KLHL11: variants seen among roughly 807,000 people sequenced by gnomAD.
The protein encoded by KLHL11 is kelch like family member 11, also known as kelch-like protein 11.
A neutral mutation model predicts 56.1 loss-of-function variants in KLHL11; 26 were observed. The ratio of observed to expected loss-of-function variants is 0.46; its 90% confidence interval spans 0.34 to 0.64. The LOEUF (loss-of-function observed/expected upper bound fraction) is 0.64, where lower values mean the gene tolerates loss of function less well. KLHL11 is among the 30% of genes least tolerant of loss of function. The probability of loss-of-function intolerance (pLI) is 0.01; values close to 1 mark genes in which losing one functional copy is unlikely to be tolerated. For synonymous variants in KLHL11, 338 were observed against 345.8 expected (o/e 0.98, Z 0.25); for missense variants, 627 against 919.4 (o/e 0.68, Z 4.11).
chr17:41,864,243 T>G (rs1235175962), intron 1 of KLHL11, among the ~76,000 whole-genome samples: 1 of 152,226 alleles, frequency 6.6e-6, no homozygotes, highest in African/African-American at 2.4e-5. Flanking sequence ...ATTAAAATAT[T>G]TAAATGAGCT....
chr17:41,851,240 AAAC>A lies in KLHL11; in HGVS notation c.*2497_*2499del, dbSNP rs1435359605. 1 of 152,128 alleles carries A rather than the reference AAAC, an allele frequency of 6.6e-6. No homozygotes were observed. The highest frequency in any genetic ancestry group is 6.6e-5 in the Admixed American group (1 of 15,266). 9.4% of individuals were successfully genotyped at this position (152,128 alleles called of 1,614,324 possible). A position where few individuals can be genotyped will look rare whatever the true frequency, so the allele number is the denominator to read the frequency against. On this transcript the variant is annotated 3_prime_UTR_variant, in exon 2 of 2. Coordinates refer to ENST00000319121, the MANE Select transcript of KLHL11 (RefSeq NM_018143.3). ...TGAGACCTCACATCTTAAAAAACCAAAACAACAACAAAAACAAGAAAACCACAT... is the reference window on the plus strand; with the variant it reads ...TGAGACCTCACATCTTAAAAAACCAAAACAACAAAAACAAGAAAACCACAT...
At chr17:41,859,423 G>C (rs1597949731) in intron 1 of KLHL11, among the ~76,000 whole-genome samples, 1 of 152,140 alleles carries the variant, frequency 6.6e-6, no homozygotes, top group East Asian at 1.9e-4. Flanking sequence ...AAATTAGCTG[G>C]GCGTGGTGGC....
chr17:41,865,356 T>C lies in KLHL11; in HGVS notation c.15A>G (p.Ala5=). The C allele has an allele frequency of 1.4e-6, 2 of 1,440,950 alleles. No individual in the cohort carries two copies. The highest frequency in any genetic ancestry group is 1.8e-6 in the Non-Finnish European group (2 of 1,109,508). 89.3% of individuals were successfully genotyped at this position (1,440,950 alleles called of 1,614,324 possible). A position where few individuals can be genotyped will look rare whatever the true frequency, so the allele number is the denominator to read the frequency against. ...CGGCCGCCGCCGCCGCCGCCGCCAC[T>C]GCCGCAGCCGCCATCTTGACGCCGC... MAAA[A]VAAAAAAAAA... Residue 5 remains alanine (A), a synonymous_variant, in exon 1 of 2, where the codon GCA becomes GCG. Coordinates refer to ENST00000319121, the MANE Select transcript of KLHL11 (RefSeq NM_018143.3).
chr17:41,860,791 C>G (rs1431291264), intron 1 of KLHL11, among the ~76,000 whole-genome samples: 1 of 152,152 alleles, frequency 6.6e-6, no homozygotes, highest in Non-Finnish European at 1.5e-5. Context: ...ACCACCCAAT[C>G]CACCAGCAGT....
chr17:41,855,760 C>T (rs567188860), intron 1 of KLHL11, among the ~76,000 whole-genome samples: 2 of 151,002 alleles, frequency 1.3e-5, no homozygotes, highest in African/African-American at 4.9e-5. Context: ...CAACCTCCGT[C>T]TCCCAGGCTC....
rs148565567 is a variant in KLHL11 at position 41,861,041 on chromosome 17, C to T, written c.545+3785G>A. Reference sequence around the variant, plus strand: ...TGCAAACAGGCTTTCTCTGAGGCCTCCCCTTACTCAGATCGAGGAAAGACG... The same window carrying T: ...TGCAAACAGGCTTTCTCTGAGGCCTTCCCTTACTCAGATCGAGGAAAGACG... On this transcript the variant is annotated intron_variant, in intron 1 of 1. Coordinates refer to ENST00000319121, the MANE Select transcript of KLHL11 (RefSeq NM_018143.3). Among the ~76,000 whole-genome samples the T allele has an allele frequency of 3.2e-3, 492 of 152,268 alleles. 1 individual carries two copies. The highest frequency in any genetic ancestry group is 5.0e-3 in the Non-Finnish European group (341 of 68,028).
At position 41,853,555 on chromosome 17, in the gene KLHL11, A is replaced by T. The variant is rs2048343700; in HGVS notation, c.*185T>A. On this transcript the variant is annotated 3_prime_UTR_variant, in exon 2 of 2. Coordinates refer to ENST00000319121, the MANE Select transcript of KLHL11 (RefSeq NM_018143.3). ...AACCAAAGACAAAAATTGCAAGCTA[A>T]CAAAATGACCATGTATTGAACTGAG... is the stretch of plus-strand genomic sequence containing the variant. 6 of 606,332 alleles carry T rather than the reference A, an allele frequency of 9.9e-6. No individual in the cohort carries two copies. The highest frequency in any genetic ancestry group is 1.6e-5 in the Non-Finnish European group (6 of 385,870). The allele number at this position is 606,332 out of a possible 1,614,324, so 37.6% of individuals were successfully genotyped here. A position where few individuals can be genotyped will look rare whatever the true frequency, so the allele number is the denominator to read the frequency against.
rs1555622378 is a variant in KLHL11, at chr17:41,855,028, T to C, written c.839A>G (p.Glu280Gly). 2 of 1,614,100 alleles carry C rather than the reference T, an allele frequency of 1.2e-6. No homozygotes were observed. Among genetic ancestry groups the C allele is most frequent in the Non-Finnish European group, 8.5e-7 (1 of 1,179,990 alleles). ...AAGTTCTTCAAAGTATCTCTCTCTC[T>C]CTTCAGCATTTCTCTGAACCCATTT... ...VLKWVQRNAE[E>G]RERYFEELFK... Residue 280 changes from glutamate to glycine, a missense_variant, in exon 2 of 2, where the codon GAG becomes GGG. Physicochemically the swap from Glu to Gly is moderately conservative, Grantham distance 98. Coordinates refer to ENST00000319121, the MANE Select transcript of KLHL11 (RefSeq NM_018143.3).
rs1408631587 is a variant in KLHL11, at chr17:41,849,011, C to G, written c.*4729G>C. The G allele has an allele frequency of 2.0e-5, 3 of 152,236 alleles. No individual in the cohort carries two copies. The highest frequency in any genetic ancestry group is 4.4e-5 in the Non-Finnish European group (3 of 68,064). 9.4% of individuals were successfully genotyped at this position (152,236 alleles called of 1,614,324 possible). A position where few individuals can be genotyped will look rare whatever the true frequency, so the allele number is the denominator to read the frequency against. On this transcript the variant is annotated 3_prime_UTR_variant, in exon 2 of 2. Coordinates refer to ENST00000319121, the MANE Select transcript of KLHL11 (RefSeq NM_018143.3). ...GCAAAATGACTACTAGGTTATATTACTGTTATTATATTACATCACCCAACT... is the reference window on the plus strand; with the variant it reads ...GCAAAATGACTACTAGGTTATATTAGTGTTATTATATTACATCACCCAACT...
chr17:41,857,350 C>CA (rs1255212476), intron 1 of KLHL11, among the ~76,000 whole-genome samples: 5 of 147,680 alleles, frequency 3.4e-5, no homozygotes, highest in Non-Finnish European at 6.0e-5. Context: ...ACTAAAAATA[C>CA]AAAAAAATTA....
intron 1 of KLHL11, among the ~76,000 whole-genome samples, chr17:41,863,982 C>T (rs1177254399): frequency 2.0e-5 from 3 of 152,220 alleles, no homozygotes; most frequent in Non-Finnish European, 4.4e-5. Context: ...CGTCCATCTA[C>T]CAACCTAAGT....
chr17:41,856,529 G>GCAACAA (rs375004256), intron 1 of KLHL11, among the ~76,000 whole-genome samples: 2 of 151,814 alleles, frequency 1.3e-5, no homozygotes, highest in African/African-American at 4.8e-5. Context: ...GAAAACAACA[G>GCAACAA]CAACAACAAC....
At chr17:41,857,650 G>C (rs1288147587) in intron 1 of KLHL11, among the ~76,000 whole-genome samples, 1 of 151,472 alleles carries the variant, frequency 6.6e-6, no homozygotes, top group Non-Finnish European at 1.5e-5. Context: ...ACACAAAATA[G>C]AGTTTTTATT....
chr17:41,855,366 T>C (rs2048358342), intron 1 of KLHL11, 45 bp from the exon 2 acceptor site: 37 of 1,409,768 alleles, frequency 2.6e-5, no homozygotes, highest in Non-Finnish European at 3.5e-5. Flanking sequence ...CAAATGTGCA[T>C]ATTTTATGTG....
intron 1 of KLHL11, 124 bp from the exon 2 acceptor site, chr17:41,855,445 C>A (rs2048358799): frequency 3.1e-6 from 2 of 655,012 alleles, no homozygotes; most frequent in Non-Finnish European, 2.5e-6. Context: ...GTGGCGTGAT[C>A]TCGGCTCACT....
intron 1 of KLHL11, among the ~76,000 whole-genome samples, chr17:41,857,806 G>A (rs1176636952): frequency 1.3e-5 from 2 of 151,840 alleles, no homozygotes; most frequent in Non-Finnish European, 2.9e-5. Flanking sequence ...ACTGTGTCTG[G>A]CTGGAGGTTT....
intron 1 of KLHL11, among the ~76,000 whole-genome samples, chr17:41,862,652 G>A (rs1467938655): frequency 6.6e-6 from 1 of 151,968 alleles, no homozygotes; most frequent in African/African-American, 2.4e-5. Flanking sequence ...CATCTGCCTC[G>A]GCCTCTCAAA....
rs1363582861 is a variant in KLHL11 at position 41,858,248 on chromosome 17, G to A, written c.546-2927C>T. Among the ~76,000 whole-genome samples, 9 of 122,510 alleles carry A rather than the reference G, an allele frequency of 7.3e-5. No homozygotes were observed. The East Asian group carries it at 1.9e-3, about 26-fold the overall frequency. The allele number at this position is 122,510 out of a possible 152,430, so 80.4% of individuals were successfully genotyped here. On this transcript the variant is annotated intron_variant, in intron 1 of 1. Coordinates refer to ENST00000319121, the MANE Select transcript of KLHL11 (RefSeq NM_018143.3). ...TTTTTTTTTTTTTTTTTTTGAGACA[G>A]ATCAGATTCTCACCGTTACCCAGGC... is the stretch of plus-strand genomic sequence containing the variant.
rs2048324055 is a variant in KLHL11, at chr17:41,849,978, A to AAGAAT, written c.*3761_*3762insATTCT. 1 of 152,226 alleles carries AAGAAT rather than the reference A, an allele frequency of 6.6e-6. No homozygotes were observed. The highest frequency in any genetic ancestry group is 2.4e-5 in the African/African-American group (1 of 41,462). The allele number at this position is 152,226 out of a possible 1,614,324, so 9.4% of individuals were successfully genotyped here. A position where few individuals can be genotyped will look rare whatever the true frequency, so the allele number is the denominator to read the frequency against. On this transcript the variant is annotated 3_prime_UTR_variant, in exon 2 of 2. Transcript: ENST00000319121. ...CAAAGGTTTGCTTGAATACGCATTA[A>AAGAAT]GCTGTCTTTCTAAAGTCATGTTTTT... is the stretch of plus-strand genomic sequence containing the variant.
Sources: allele counts gnomAD v4.1 joint callset (sites outside exome capture counted in the v4.1 genomes callset), GRCh38; gene constraint gnomAD v4.1.1; transcripts MANE v1.5; gene names NCBI Gene and HGNC (gene_info 2026-07-23, HGNC 2026-07-21).